Variants in NDST3 observed in about 807,000 individuals in gnomAD.
The protein encoded by NDST3 is bifunctional heparan sulfate N-deacetylase/N-sulfotransferase 3.
NDST3 carries 58 observed loss-of-function variants against 96.1 expected under a neutral mutation model. The ratio of observed to expected loss-of-function variants is 0.60; its 90% CI spans 0.49 to 0.75. NDST3 has a LOEUF of 0.75. Ranked by LOEUF, NDST3 falls within the 30% of genes least tolerant of loss-of-function variation. The pLI is 0.00. For synonymous variants in NDST3, 333 were observed against 359.7 expected, an observed-to-expected ratio of 0.93 and a Z score of 0.84; for missense variants, 788 against 1,034.2, an observed-to-expected ratio of 0.76 and a Z score of 3.27.
rs529583019 is a variant in NDST3, at chr4:118,193,556, G to A, written c.1540-30935G>A. On this transcript the variant is annotated intron_variant, in intron 6 of 13. Coordinates refer to ENST00000296499, the MANE Select transcript of NDST3 (RefSeq NM_004784.3). ...CCTCTCAAACGTGTTGGCGTAGAGC[G>A]TCTTCTCCCAGGCAAGCTGCCTGCA... 1.4e-3 allele frequency: 1,419 copies of A among 1,043,940 alleles called. 18 individuals are homozygous for A. The South Asian group carries it at 0.017, about 12-fold the overall frequency. 64.7% of individuals were successfully genotyped at this position (1,043,940 alleles called of 1,614,324 possible).
At chr4:118,157,435 T>G (rs868745940) in intron 6 of NDST3, among the ~76,000 whole-genome samples, 1,942 of 150,696 alleles carry the variant, frequency 0.013, 13 homozygotes, top group Non-Finnish European at 0.02. Context: ...TTTGTTTTTT[T>G]TTTTTTTTGA....
At chr4:118,127,504 G>A (rs967622186) in intron 4 of NDST3, among the ~76,000 whole-genome samples, 3 of 151,876 alleles carry the variant, frequency 2.0e-5, no homozygotes, top group Admixed American at 2.0e-4. Context: ...TTCACTGTAG[G>A]AGTATTAATT....
At chr4:118,102,801 CTG>C (rs1340476925) in intron 2 of NDST3, among the ~76,000 whole-genome samples, 1 of 152,092 alleles carries the variant, frequency 6.6e-6, no homozygotes, top group Non-Finnish European at 1.5e-5. Context: ...ACAAATATCA[CTG>C]TTTATCTTAA....
At chr4:118,180,320 A>G (rs1205239877) in intron 6 of NDST3, among the ~76,000 whole-genome samples, 1 of 151,982 alleles carries the variant, frequency 6.6e-6, no homozygotes, top group Non-Finnish European at 1.5e-5. Flanking sequence ...TGAGTATCCA[A>G]CGTTTAGCTT....
At chr4:118,137,865 A>C (rs1341113917) in intron 4 of NDST3, among the ~76,000 whole-genome samples, 189 bp from the exon 5 acceptor site, 1 of 152,170 alleles carries the variant, frequency 6.6e-6, no homozygotes, top group African/African-American at 2.4e-5. Context: ...CAACATAAGG[A>C]CTGGTGAAAT....
At chr4:118,234,283 A>G (rs928963360) in intron 9 of NDST3, among the ~76,000 whole-genome samples, 1 of 152,054 alleles carries the variant, frequency 6.6e-6, no homozygotes, top group Admixed American at 6.6e-5. Flanking sequence ...ATGGTGGTGT[A>G]CACCTGTGGT....
intron 4 of NDST3, among the ~76,000 whole-genome samples, chr4:118,128,985 T>A (rs924739068): frequency 3.3e-5 from 5 of 152,086 alleles, no homozygotes; most frequent in African/African-American, 1.2e-4. Flanking sequence ...TAGTTGCTGA[T>A]AGTAGCCACT....
At chr4:118,146,214 G>A (rs1733932174) in intron 6 of NDST3, among the ~76,000 whole-genome samples, 1 of 152,190 alleles carries the variant, frequency 6.6e-6, no homozygotes, top group Non-Finnish European at 1.5e-5. Flanking sequence ...CTGCAGGAAA[G>A]TCATGAATTT....
intron 12 of NDST3, among the ~76,000 whole-genome samples, chr4:118,246,047 G>A (rs996304431): frequency 6.6e-6 from 1 of 152,118 alleles, no homozygotes; most frequent in East Asian, 1.9e-4. Context: ...AACAGGAAGT[G>A]CTTCCTTAAA....
At chr4:118,237,273 G>C (rs1413111764) in intron 10 of NDST3, 53 bp downstream of exon 10, 1 of 1,425,912 alleles carries the variant, frequency 7.0e-7, no homozygotes, top group East Asian at 2.5e-5. Flanking sequence ...ATGGACAATG[G>C]AGCATTGTTT....
chr4:118,137,634 C>CTAA (rs752275726), intron 4 of NDST3, among the ~76,000 whole-genome samples: 5 of 152,152 alleles, frequency 3.3e-5, no homozygotes, highest in African/African-American at 4.8e-5. Flanking sequence ...TAACAGCAGC[C>CTAA]TAATGAACTT....
Position 118,227,678 on chromosome 4 carries a change from C to A in NDST3, c.1819+696C>A, listed in dbSNP as rs532251957. ...CCAGGCTGGAGTGCAGTGGCATGAT[C>A]TCAGCTCACTGCAAACTCCGCCTCC... On this transcript the variant is annotated intron_variant, in intron 8 of 13. Transcript: ENST00000296499. Among the ~76,000 whole-genome samples the A allele has an allele frequency of 9.2e-5, 13 of 141,640 alleles. No individual in the cohort carries two copies. In the East Asian group the frequency reaches 2.3e-3, roughly 25 times the overall value. 92.9% of individuals were successfully genotyped at this position (141,640 alleles called of 152,430 possible).
intron 5 of NDST3, among the ~76,000 whole-genome samples, chr4:118,141,694 C>A (rs1733584830): frequency 6.6e-6 from 1 of 152,168 alleles, no homozygotes; most frequent in Admixed American, 6.5e-5. Context: ...CAGTCATAGT[C>A]ATACACTTTT....
Position 118,195,755 on chromosome 4 carries a change from G to A in NDST3, c.1540-28736G>A, listed in dbSNP as rs756114598. 5.9e-5 allele frequency among the ~76,000 whole-genome samples: 9 copies of A among 152,238 alleles called. No individual in the cohort carries two copies. In the South Asian group the frequency reaches 6.2e-4, roughly 11 times the overall value. On this transcript the variant is annotated intron_variant, in intron 6 of 13. Transcript: ENST00000296499. ...TCAGTTCTAATAGTTTTTTGGTGGC[G>A]TCTTTGGGTTTTCCCAAATATAAGA...
chr4:118,240,658 C>T lies in NDST3; in HGVS notation c.2253C>T (p.His751=). 1 of 1,613,738 alleles carries T rather than the reference C, an allele frequency of 6.2e-7. No individual in the cohort carries two copies. The highest frequency in any genetic ancestry group is 1.7e-5 in the Admixed American group (1 of 59,978). The change falls in exon 11 of 14, where the codon CAC becomes CAT. Residue 751 remains histidine (H), a synonymous_variant. Coordinates refer to ENST00000296499, the MANE Select transcript of NDST3 (RefSeq NM_004784.3). ...TGGTCCCGGGGTGGTATGCCAGCCACATCGAGAGATGGCTTGTTTATTTCC... is the reference window on the plus strand; with the variant it reads ...TGGTCCCGGGGTGGTATGCCAGCCATATCGAGAGATGGCTTGTTTATTTCC... The part of the protein sequence containing the change: ...RCLVPGWYAS[H]IERWLVYFPP...
In NDST3 at chr4:118,224,589, C is replaced by T. The variant is rs1195776912; in HGVS notation, c.1638C>T (p.Asn546=). 1.9e-6 allele frequency: 3 copies of T among 1,612,946 alleles called. No homozygotes were observed. The highest frequency in any genetic ancestry group is 1.1e-5 in the South Asian group (1 of 90,736). The change falls in exon 7 of 14, where the codon AAC becomes AAT. Residue 546 remains asparagine, a synonymous_variant. Coordinates refer to ENST00000296499, the MANE Select transcript of NDST3 (RefSeq NM_004784.3). ...CCAACTTTGTGAAGAGCTGGACCAA[C>T]CTGCGACTTCAGACTCTGCCTCCAG... ...NLANFVKSWT[N]LRLQTLPPVQ...
intron 7 of NDST3, among the ~76,000 whole-genome samples, chr4:118,224,971 G>A (rs533650472): frequency 6.6e-6 from 1 of 152,236 alleles, no homozygotes; most frequent in South Asian, 2.1e-4. Context: ...CAATAGGCTG[G>A]AAGAGTAGAA....
chr4:118,153,854 C>T (rs540180471), intron 6 of NDST3, among the ~76,000 whole-genome samples: 33 of 151,828 alleles, frequency 2.2e-4, no homozygotes, highest in African/African-American at 7.0e-4. Flanking sequence ...ATTTTAATGA[C>T]GTGAAATATT....
chr4:118,138,212 G>A lies in NDST3; in HGVS notation c.1383G>A (p.Arg461=). The A allele has an allele frequency of 6.2e-7, 1 of 1,613,862 alleles. No individual in the cohort carries two copies. Among genetic ancestry groups the A allele is most frequent in the South Asian group, 1.1e-5 (1 of 91,056 alleles). ...EYPHLKPARY[R]RGFIHKNIMV... ...CACATCTGAAGCCAGCTAGATACCG[G>A]AGGGGTTTTATCCACAAAAACATCA... Residue 461 remains arginine (R), a synonymous_variant, in exon 5 of 14, where the codon CGG becomes CGA. Transcript: ENST00000296499.
Sources: allele counts gnomAD v4.1 joint callset (sites outside exome capture counted in the v4.1 genomes callset), GRCh38; gene constraint gnomAD v4.1.1; transcripts MANE v1.5; gene names NCBI Gene and HGNC (gene_info 2026-07-23, HGNC 2026-07-21).